The following TBC1D30 variants were observed in gnomAD, a reference collection of about 807,000 sequenced individuals.
TBC1D30 encodes TBC1 domain family, member 30.
Under a neutral mutation model 63.2 loss-of-function variants are expected in TBC1D30, and 31 were observed. The observed-to-expected ratio is 0.49, with a 90% confidence interval of 0.37 to 0.66. The LOEUF is 0.66. TBC1D30 is among the 30% of genes least tolerant of loss of function. The pLI is 0.00. For missense variants in TBC1D30, 810 were observed against 953.6 expected, an observed-to-expected ratio of 0.85 and a Z score of 1.98; for synonymous variants, 307 against 361.5, an observed-to-expected ratio of 0.85 and a Z score of 1.71.
exon 1 of TBC1D30, chr12:64,781,242 A>G (rs1438307708): frequency 1.2e-5 from 14 of 1,156,232 alleles, no homozygotes; most frequent in Admixed American, 1.2e-4. Context: ...GAGCTGCAGG[A>G]GCGACCGAGC....
At chr12:64,776,221 C>T (rs1871075289), upstream of TBC1D30, among the ~76,000 whole-genome samples, 1 of 152,076 alleles carries the variant, frequency 6.6e-6, no homozygotes, top group African/African-American at 2.4e-5. Context: ...GAAGCAAGAG[C>T]AAACAAATCC....
intron 1 of TBC1D30, among the ~76,000 whole-genome samples, chr12:64,825,948 A>G (rs1405123852): frequency 6.6e-6 from 1 of 152,200 alleles, no homozygotes; most frequent in Non-Finnish European, 1.5e-5. Flanking sequence ...ATCGAGCTGC[A>G]GAGTCCCAAA....
At chr12:64,769,661 C>T (rs1304928564) in intron 1 of TBC1D30, among the ~76,000 whole-genome samples, 1 of 151,298 alleles carries the variant, frequency 6.6e-6, no homozygotes, top group Non-Finnish European at 1.5e-5. Context: ...GCTGGGATTA[C>T]AGGTGTGAGC....
chr12:64,844,034 TCC>T, intron 8 of TBC1D30, among the ~76,000 whole-genome samples: 1 of 152,228 alleles, frequency 6.6e-6, no homozygotes, highest in African/African-American at 2.4e-5. Context: ...ACTCAAGTGA[TCC>T]TCCCACTGCG....
At chr12:64,834,404 C>CTTTTTTTTT (rs34733475) in intron 5 of TBC1D30, among the ~76,000 whole-genome samples, 1 of 120,304 alleles carries the variant, frequency 8.3e-6, no homozygotes, top group Non-Finnish European at 1.7e-5. Flanking sequence ...TTAGCCAAAT[C>CTTTTTTTTT]TTTTTTTTTT....
upstream of TBC1D30, among the ~76,000 whole-genome samples, chr12:64,778,905 T>C (rs1871155048): frequency 6.6e-6 from 1 of 152,142 alleles, no homozygotes; most frequent in African/African-American, 2.4e-5. Flanking sequence ...ATTCCATAAG[T>C]ACAATGATCT....
At chr12:64,806,143 A>G (rs1004091136) in intron 2 of TBC1D30, among the ~76,000 whole-genome samples, 2 of 152,228 alleles carry the variant, frequency 1.3e-5, no homozygotes, top group African/African-American at 2.4e-5. Flanking sequence ...TTCAGCATCC[A>G]TTGACATCTG....
chr12:64,780,571 A>C (rs956906046), exon 1 of TBC1D30, among the ~76,000 whole-genome samples: 6 of 152,166 alleles, frequency 3.9e-5, no homozygotes, highest in African/African-American at 1.4e-4. Context: ...CCCGGGCAGC[A>C]GGTGGCCCCA....
intron 8 of TBC1D30, among the ~76,000 whole-genome samples, chr12:64,857,654 C>G (rs1877423903): frequency 6.6e-6 from 1 of 152,328 alleles, no homozygotes; most frequent in South Asian, 2.1e-4. Context: ...CAGCCTAGCA[C>G]TAGGAGTTGC....
At chr12:64,817,229 C>T in intron 2 of TBC1D30, among the ~76,000 whole-genome samples, 1 of 152,140 alleles carries the variant, frequency 6.6e-6, no homozygotes, top group East Asian at 1.9e-4. Flanking sequence ...GCTCACAGCG[C>T]CATTTTAGCC....
intron 4 of TBC1D30, among the ~76,000 whole-genome samples, chr12:64,831,700 G>A (rs1289416801): frequency 1.3e-5 from 2 of 151,868 alleles, no homozygotes; most frequent in African/African-American, 2.4e-5. Context: ...TTAGAGTTTT[G>A]ATAGCTAAAT....
At chr12:64,845,494 A>T (rs1376893831) in intron 8 of TBC1D30, among the ~76,000 whole-genome samples, 1 of 152,110 alleles carries the variant, frequency 6.6e-6, no homozygotes, top group Non-Finnish European at 1.5e-5. Context: ...TGGGAGGCTG[A>T]GGCGGGCAGA....
upstream of TBC1D30, among the ~76,000 whole-genome samples, chr12:64,780,426 C>T (rs1462865221): frequency 1.3e-5 from 2 of 152,230 alleles, no homozygotes; most frequent in Non-Finnish European, 2.9e-5. Flanking sequence ...AGTTAAATCA[C>T]GTGCTTAATT....
chr12:64,800,545 A>G (rs1872541335), intron 2 of TBC1D30, among the ~76,000 whole-genome samples: 1 of 151,990 alleles, frequency 6.6e-6, no homozygotes, highest in South Asian at 2.1e-4. Context: ...GGGACTGGAG[A>G]GTGTGATATG....
chr12:64,855,735 AT>A (rs974545390), intron 8 of TBC1D30, among the ~76,000 whole-genome samples: 5 of 152,076 alleles, frequency 3.3e-5, no homozygotes, highest in Non-Finnish European at 5.9e-5. Context: ...GTTATCTTGA[AT>A]TTCTTTTGAA....
chr12:64,774,830 T>C (rs1871018478), intron 1 of TBC1D30, among the ~76,000 whole-genome samples: 1 of 152,044 alleles, frequency 6.6e-6, no homozygotes, highest in Non-Finnish European at 1.5e-5. Flanking sequence ...TGGTGGCTCA[T>C]GTCTGTAATC....
rs541594699 is a variant in TBC1D30, at chr12:64,796,001, A to G, written c.643+9956A>G. On this transcript the variant is annotated intron_variant, in intron 2 of 12. Transcript: ENST00000542120. ...GATAACCGTTTTAGGTATGTTTTTG[A>G]TATATAATTAGCAGCCTGGTCTACC... Among the ~76,000 whole-genome samples, 5 of 152,220 alleles carry G rather than the reference A, an allele frequency of 3.3e-5. No individual in the cohort carries two copies. In the South Asian group the frequency reaches 1.0e-3, roughly 32 times the overall value.
intron 2 of TBC1D30, among the ~76,000 whole-genome samples, chr12:64,817,437 T>C (rs1446993949): frequency 6.6e-6 from 1 of 152,192 alleles, no homozygotes; most frequent in African/African-American, 2.4e-5. Context: ...ATTCTAACCT[T>C]TGTCTGCTGC....
At chr12:64,769,535 C>CT (rs1335114745) in intron 1 of TBC1D30, among the ~76,000 whole-genome samples, 1 of 142,630 alleles carries the variant, frequency 7.0e-6, no homozygotes, top group Non-Finnish European at 1.5e-5. Flanking sequence ...TGCCACCACG[C>CT]TGGGCTATTT....
Sources: gnomAD v4.1 joint callset for allele counts (sites outside exome capture counted in the v4.1 genomes callset) on GRCh38, gnomAD v4.1.1 for gene constraint, MANE v1.5 for transcripts, NCBI Gene and HGNC (gene_info 2026-07-23, HGNC 2026-07-21) for gene names.